Variants in DAPK2 observed in about 807,000 individuals in gnomAD.
DAPK2 encodes death-associated protein kinase 2.
DAPK2 carries 35 observed loss-of-function variants against 44.1 expected under a neutral mutation model. That is an observed-to-expected ratio of 0.79 (90% CI 0.61 to 1.05). DAPK2 has a LOEUF of 1.05. DAPK2 is among the 50% of genes least tolerant of loss of function. The pLI is 0.00. For synonymous variants in DAPK2, 174 were observed against 182.6 expected, an observed-to-expected ratio of 0.95 and a Z score of 0.38; for missense variants, 453 against 483.2, an observed-to-expected ratio of 0.94 and a Z score of 0.59.
At chr15:63,978,006 C>A (rs754597760) in intron 2 of DAPK2, among the ~76,000 whole-genome samples, 1 of 152,220 alleles carries the variant, frequency 6.6e-6, no homozygotes, top group Non-Finnish European at 1.5e-5. Flanking sequence ...TCACAGTGGG[C>A]TTCACTATCT....
At chr15:63,994,225 C>T (rs1209313510) in intron 1 of DAPK2, among the ~76,000 whole-genome samples, 1 of 152,006 alleles carries the variant, frequency 6.6e-6, no homozygotes, top group African/African-American at 2.4e-5. Flanking sequence ...GCACCCGGCA[C>T]AAAACAGGTA....
rs367772622 is a variant in DAPK2, at chr15:63,932,326, G to A, written c.584-1871C>T. On this transcript the variant is annotated intron_variant, in intron 4 of 10. Transcript: ENST00000261891. Reference sequence around the variant, plus strand: ...ACTAAAAGTACAAAATTAGCCGGGCGTGGTAGCACATGCCTGTAATCCCAG... The same window carrying A: ...ACTAAAAGTACAAAATTAGCCGGGCATGGTAGCACATGCCTGTAATCCCAG... Among the ~76,000 whole-genome samples the A allele has an allele frequency of 8.7e-4, 132 of 151,476 alleles. 1 individual carries two copies. Among genetic ancestry groups the A allele is most frequent in the African/African-American group, 3.1e-3 (129 of 41,304 alleles).
chr15:63,911,374 G>C (rs761962523), intron 10 of DAPK2: 9 of 157,648 alleles, frequency 5.7e-5, no homozygotes, highest in Non-Finnish European at 1.3e-4. Flanking sequence ...GTAAGTGGCA[G>C]ATTTGAATCC....
Position 64,006,513 on chromosome 15 carries a change from A to C in DAPK2, c.93-22759T>G, listed in dbSNP as rs1251903782. On this transcript the variant is annotated intron_variant, in intron 1 of 10. Transcript: ENST00000261891. ...TCAAGAGAAGCAAGGAACTCCCCCA[A>C]CTCCATTCCCACTTCACCAAAGCAG... is the stretch of plus-strand genomic sequence containing the variant. 2.0e-5 allele frequency among the ~76,000 whole-genome samples: 3 copies of C among 152,144 alleles called. No individual in the cohort carries two copies. The East Asian group carries it at 5.8e-4, about 29-fold the overall frequency.
chr15:63,929,674 C>T (rs2079459642), intron 5 of DAPK2, 97 bp from the exon 7 acceptor site: 3 of 1,445,738 alleles, frequency 2.1e-6, no homozygotes, highest in Non-Finnish European at 1.9e-6. Context: ...GGTCACTTGC[C>T]TCCTCCACAG....
chr15:63,970,156 C>A (rs1487445097), intron 3 of DAPK2, among the ~76,000 whole-genome samples: 1 of 152,220 alleles, frequency 6.6e-6, no homozygotes, highest in Non-Finnish European at 1.5e-5. Context: ...GAAACAAGTA[C>A]ATGCTTACCT....
In DAPK2 at chr15:63,912,028, A is replaced by G; in HGVS notation, c.949-37T>C. 6.2e-7 allele frequency: 1 copy of G among 1,607,348 alleles called. No homozygotes were observed. The highest frequency in any genetic ancestry group is 8.5e-7 in the Non-Finnish European group (1 of 1,176,842). On this transcript the variant is annotated intron_variant, in intron 9 of 10. Coordinates refer to ENST00000261891, the Ensembl canonical transcript of DAPK2. This position sits in a 1 kb window ranked among gnomAD's most constrained non-coding sequence, Gnocchi z 4.4. ...AGAGGAAAGGAATCCCCAGGTGAGA[A>G]TGTGCATGGAGACCCTGGAGAGCCA...
intron 1 of DAPK2, among the ~76,000 whole-genome samples, chr15:63,997,539 C>T (rs1423014722): frequency 1.3e-5 from 2 of 152,166 alleles, no homozygotes; most frequent in African/African-American, 4.8e-5. Flanking sequence ...CAATGTTGGC[C>T]AGTCTGGTCT....
At chr15:63,975,335 C>A (rs4776698) in intron 2 of DAPK2, among the ~76,000 whole-genome samples, 79,597 of 151,896 alleles carry the variant, frequency 0.52, 21,605 homozygotes, top group East Asian at 0.96. Context: ...TATTTTTACT[C>A]TAACAACATA....
At position 63,925,678 on chromosome 15, in the gene DAPK2, GCACACACACACACACA is replaced by G. The variant is rs3222873; in HGVS notation, c.812+247_812+262del. Among the ~76,000 whole-genome samples the G allele has an allele frequency of 7.9e-5, 11 of 138,446 alleles. 1 individual carries two copies. Among genetic ancestry groups the G allele is most frequent in the South Asian group, 7.0e-4 (3 of 4,278 alleles). The allele number at this position is 138,446 out of a possible 152,430, so 90.8% of individuals were successfully genotyped here. A position where few individuals can be genotyped will look rare whatever the true frequency, so the allele number is the denominator to read the frequency against. On this transcript the variant is annotated intron_variant, in intron 7 of 10. Transcript: ENST00000261891. ...AAAGAAACCCAGGCTGACTTGTAGC[GCACACACACACACACA>G]CACACACACACACACACACACACAC...
intron 2 of DAPK2, among the ~76,000 whole-genome samples, chr15:63,974,010 A>T (rs988934951): frequency 2.6e-5 from 4 of 152,284 alleles, no homozygotes; most frequent in Admixed American, 2.0e-4. Context: ...TATGGCCCCT[A>T]ACTTAAGCAT....
intron 1 of DAPK2, among the ~76,000 whole-genome samples, chr15:64,018,305 G>A (rs532139742): frequency 3.3e-5 from 5 of 152,148 alleles, no homozygotes; most frequent in Admixed American, 6.5e-5. Flanking sequence ...AGGGCTGTGA[G>A]GACAGGACCT....
intron 1 of DAPK2, among the ~76,000 whole-genome samples, chr15:64,005,857 T>C (rs2079213222): frequency 6.6e-6 from 1 of 152,022 alleles, no homozygotes; most frequent in African/African-American, 2.4e-5. Flanking sequence ...AGTGAGATCC[T>C]GTCTCTAAAA....
Position 63,976,470 on chromosome 15 carries a change from G to A in DAPK2, c.315-4909C>T, listed in dbSNP as rs562856475. ...ACAGTGGCTCACACCTGTAATCTCA[G>A]CACTTTGGGAGGCTGAGGCAGGCAG... On this transcript the variant is annotated intron_variant, in intron 2 of 10. Transcript: ENST00000261891. Among the ~76,000 whole-genome samples the A allele has an allele frequency of 1.2e-4, 18 of 152,208 alleles. 1 individual carries two copies. The South Asian group carries it at 3.1e-3, about 26-fold the overall frequency.
chr15:63,985,039 C>G (rs2078631270), intron 1 of DAPK2, among the ~76,000 whole-genome samples: 1 of 152,230 alleles, frequency 6.6e-6, no homozygotes, highest in Admixed American at 6.5e-5. Flanking sequence ...ACTCATGCAT[C>G]TCTCCATTGC....
At chr15:63,940,463 C>T (rs1331035443) in intron 3 of DAPK2, among the ~76,000 whole-genome samples, 1 of 152,114 alleles carries the variant, frequency 6.6e-6, no homozygotes, top group Non-Finnish European at 1.5e-5. Context: ...GTAATCCCAG[C>T]ACTTTGGGAG....
At chr15:63,988,714 C>A (rs1422458060) in intron 1 of DAPK2, among the ~76,000 whole-genome samples, 1 of 151,746 alleles carries the variant, frequency 6.6e-6, no homozygotes. Context: ...CCATGTTGGC[C>A]AGGCTGGTCT....
intron 4 of DAPK2, among the ~76,000 whole-genome samples, chr15:63,930,758 C>A (rs1595733024): frequency 6.6e-6 from 1 of 152,218 alleles, no homozygotes; most frequent in East Asian, 1.9e-4. Context: ...GGACTAGTAC[C>A]CTTATAAAGA....
rs955701621 is a variant in DAPK2 at position 63,955,833 on chromosome 15, G to A, written c.453+15590C>T. On this transcript the variant is annotated intron_variant, in intron 3 of 10. Transcript: ENST00000261891. ...TCTCCCCACCTCAGCCTCCCAAAGT[G>A]CTGGGATTATAGGCATGAGCCACAG... 3.9e-5 allele frequency among the ~76,000 whole-genome samples: 6 copies of A among 152,322 alleles called. No individual in the cohort carries two copies. The East Asian group carries it at 1.2e-3, about 29-fold the overall frequency.
Sources: gnomAD v4.1 joint callset for allele counts (sites outside exome capture counted in the v4.1 genomes callset) on GRCh38, gnomAD v4.1.1 for gene constraint, Gnocchi (gnomAD v3.1) non-coding constraint, MANE v1.5 for transcripts, NCBI Gene and HGNC (gene_info 2026-07-23, HGNC 2026-07-21) for gene names.